Variants in GNG7 observed in about 807,000 individuals in gnomAD.
GNG7 encodes the protein guanine nucleotide-binding protein G(I)/G(S)/G(O) subunit gamma-7.
GNG7 carries 1 observed loss-of-function variant against 4.0 expected under a neutral mutation model. That is an observed-to-expected ratio of 0.25 (90% CI 0.09 to 1.18). The LOEUF (loss-of-function observed/expected upper bound fraction) is 1.18, where lower values mean the gene tolerates loss of function less well. Among genes scored for constraint, GNG7 ranks in the 50% most tolerant of loss-of-function variants. The pLI, the probability that GNG7 is intolerant of heterozygous loss-of-function variation, is 0.50. For missense variants in GNG7, 86 were observed against 91.9 expected, an observed-to-expected ratio of 0.94 and a Z score of 0.26; for synonymous variants, 34 against 36.9, an observed-to-expected ratio of 0.92 and a Z score of 0.29.
intron 1 of GNG7, among the ~76,000 whole-genome samples, chr19:2,656,770 G>A (rs547855164): frequency 8.3e-4 from 126 of 152,286 alleles, no homozygotes; most frequent in African/African-American, 2.9e-3. Context: ...CAGCTGGGAG[G>A]CCTCGACAGA....
Position 2,626,481 on chromosome 19 carries a change from T to C in GNG7, c.-78+19743A>G, listed in dbSNP as rs1982025174. ...ATGCAGCCTCTGCCGTGCGGCCTCC[T>C]CACTCCCTCCCTCTCACCTTTTCAA... On this transcript the variant is annotated intron_variant, in intron 2 of 4. Coordinates refer to ENST00000382159, the MANE Select transcript of GNG7 (RefSeq NM_052847.3). This position sits in a 1 kb window ranked among gnomAD's most constrained non-coding sequence, Gnocchi z 5.0. 6.6e-6 allele frequency among the ~76,000 whole-genome samples: 1 copy of C among 152,118 alleles called. No homozygotes were observed. Among genetic ancestry groups the C allele is most frequent in the African/African-American group, 2.4e-5 (1 of 41,406 alleles).
At chr19:2,579,876 G>A (rs972273746) in intron 2 of GNG7, among the ~76,000 whole-genome samples, 3 of 152,160 alleles carry the variant, frequency 2.0e-5, no homozygotes, top group Non-Finnish European at 2.9e-5. Flanking sequence ...CCCAGTTCTG[G>A]AGGCCAGAAG....
At chr19:2,549,988 T>C (rs1239970919) in intron 3 of GNG7, among the ~76,000 whole-genome samples, 2 of 152,268 alleles carry the variant, frequency 1.3e-5, no homozygotes, top group Non-Finnish European at 2.9e-5. Flanking sequence ...TTCTTGCTAA[T>C]GCAGAAACAC....
At chr19:2,527,069 C>T (rs1978428196) in intron 3 of GNG7, among the ~76,000 whole-genome samples, 1 of 152,214 alleles carries the variant, frequency 6.6e-6, no homozygotes, top group African/African-American at 2.4e-5. Flanking sequence ...TGGTCTCAAA[C>T]TCCTGACCTA....
intron 1 of GNG7, among the ~76,000 whole-genome samples, chr19:2,664,537 G>A (rs918239110): frequency 1.3e-5 from 2 of 152,094 alleles, no homozygotes; most frequent in African/African-American, 2.4e-5. Context: ...GACCCTGAGG[G>A]TTCAAGGTCT....
Position 2,520,641 on chromosome 19 carries a change from C to G in GNG7, c.48G>C (p.Gln16His). Reference sequence around the variant, plus strand: ...GCTCAATCCCGGCTTCTATGCGTAGCTGTTCCACCAGCTTCCGGGCCTGGG... The same window carrying G: ...GCTCAATCCCGGCTTCTATGCGTAGGTGTTCCACCAGCTTCCGGGCCTGGG... ...NIAQARKLVE[Q>H]LRIEAGIERI... Residue 16 changes from glutamine to histidine, a missense_variant, in exon 4 of 5, where the codon CAG becomes CAC. Coordinates refer to ENST00000382159, the MANE Select transcript of GNG7 (RefSeq NM_052847.3). 1 of 1,552,992 alleles carries G rather than the reference C, an allele frequency of 6.4e-7. No individual in the cohort carries two copies. The highest frequency in any genetic ancestry group is 8.7e-7 in the Non-Finnish European group (1 of 1,145,582).
intron 3 of GNG7, among the ~76,000 whole-genome samples, chr19:2,526,530 TTA>T (rs201758145): frequency 0.01 from 1,541 of 148,938 alleles, 22 homozygotes; most frequent in African/African-American, 0.034. Context: ...ATATTTATAT[TTA>T]TGTCATTTAT....
rs1471990117 is a variant in GNG7 at position 2,684,415 on chromosome 19, G to A, written c.-135+18231C>T. On this transcript the variant is annotated intron_variant, in intron 1 of 4. Coordinates refer to ENST00000382159, the MANE Select transcript of GNG7 (RefSeq NM_052847.3). Reference sequence around the variant, plus strand: ...CTCCCAAAGTGCTGGGATGACAGGCGTGAGCCACCGTGCCCGGCCCGCACC... The same window carrying A: ...CTCCCAAAGTGCTGGGATGACAGGCATGAGCCACCGTGCCCGGCCCGCACC... Among the ~76,000 whole-genome samples, 6 of 151,440 alleles carry A rather than the reference G, an allele frequency of 4.0e-5. No homozygotes were observed. The East Asian group carries it at 8.2e-4, about 21-fold the overall frequency.
chr19:2,553,674 A>ATTACAT (rs1979429418), intron 3 of GNG7, among the ~76,000 whole-genome samples: 1 of 144,094 alleles, frequency 6.9e-6, no homozygotes, highest in Non-Finnish European at 1.5e-5. Flanking sequence ...CGTTACATGT[A>ATTACAT]ATATGTTATA....
At chr19:2,636,972 A>G (rs1193936871) in intron 2 of GNG7, among the ~76,000 whole-genome samples, 1 of 150,760 alleles carries the variant, frequency 6.6e-6, no homozygotes, top group East Asian at 2.0e-4. Flanking sequence ...GCCCACCTGC[A>G]CTTCCGTCCC....
intron 2 of GNG7, among the ~76,000 whole-genome samples, chr19:2,576,615 C>G (rs1368936144): frequency 1.3e-5 from 2 of 152,182 alleles, no homozygotes; most frequent in South Asian, 4.1e-4. Flanking sequence ...GGTGCAATCA[C>G]AGCTCAATGC....
chr19:2,655,188 CAAAAA>C (rs57555514), intron 1 of GNG7, among the ~76,000 whole-genome samples: 2 of 59,952 alleles, frequency 3.3e-5, no homozygotes, highest in Non-Finnish European at 3.8e-5. Context: ...GACTCTGTCT[CAAAAA>C]AAAAAAAAAA....
chr19:2,627,349 G>A (rs1019631783), intron 2 of GNG7, among the ~76,000 whole-genome samples: 4 of 152,088 alleles, frequency 2.6e-5, no homozygotes, highest in East Asian at 1.9e-4. Context: ...GTTAAATGGC[G>A]GTAAGGGGGT....
chr19:2,597,533 G>C (rs1981058959), intron 2 of GNG7, among the ~76,000 whole-genome samples: 1 of 148,574 alleles, frequency 6.7e-6, no homozygotes, highest in South Asian at 2.2e-4. Flanking sequence ...GGAGGTGGAG[G>C]TTGCAGTGAG....
At chr19:2,536,291 G>A (rs972994246) in intron 3 of GNG7, among the ~76,000 whole-genome samples, 10 of 151,950 alleles carry the variant, frequency 6.6e-5, no homozygotes, top group East Asian at 3.9e-4. Flanking sequence ...GGTGGCGGGC[G>A]CCTGTAGTCC....
intron 3 of GNG7, among the ~76,000 whole-genome samples, chr19:2,552,986 A>G (rs1979382449): frequency 6.6e-6 from 1 of 151,678 alleles, no homozygotes; most frequent in South Asian, 2.1e-4. Flanking sequence ...CAGCAGGAGG[A>G]AGGAAATTGT....
intron 1 of GNG7, among the ~76,000 whole-genome samples, chr19:2,680,866 G>A (rs925544956): frequency 1.7e-4 from 26 of 151,866 alleles, no homozygotes; most frequent in Non-Finnish European, 2.6e-4. Flanking sequence ...GTGCGGTGGT[G>A]TGATCACAGC....
At chr19:2,644,660 C>A (rs963757918) in intron 2 of GNG7, among the ~76,000 whole-genome samples, 8 of 152,054 alleles carry the variant, frequency 5.3e-5, no homozygotes, top group Non-Finnish European at 1.2e-4. Context: ...ACCCACGCAT[C>A]CCCTCCCTGC....
At chr19:2,616,219 G>C (rs1981719520) in intron 2 of GNG7, among the ~76,000 whole-genome samples, 1 of 151,976 alleles carries the variant, frequency 6.6e-6, no homozygotes, top group African/African-American at 2.4e-5. Context: ...AACCAGCCTG[G>C]GCAAAATAGT....
Sources: allele counts gnomAD v4.1 joint callset (sites outside exome capture counted in the v4.1 genomes callset), GRCh38; gene constraint gnomAD v4.1.1; non-coding constraint Gnocchi (gnomAD v3.1); transcripts MANE v1.5; gene names NCBI Gene and HGNC (gene_info 2026-07-23, HGNC 2026-07-21).